RNF24: variants seen among roughly 807,000 people sequenced by gnomAD.
RNF24 encodes ring finger protein 24.
In RNF24, 14 loss-of-function variants were observed where a neutral mutation model predicts 20.0. The ratio of observed to expected loss-of-function variants is 0.70; its 90% CI spans 0.46 to 1.10. The LOEUF (loss-of-function observed/expected upper bound fraction) is 1.10. Ranked by LOEUF, RNF24 falls within the 50% of genes least tolerant of loss-of-function variation. The pLI, the probability that RNF24 is intolerant of heterozygous loss-of-function variation, is 0.00. For synonymous variants in RNF24, 45 were observed against 61.1 expected (o/e 0.74, Z 1.23); for missense variants, 124 against 177.6 (o/e 0.70, Z 1.71).
At chr20:3,969,703 T>C (rs749188307) in intron 1 of RNF24, among the ~76,000 whole-genome samples, 1 of 151,762 alleles carries the variant, frequency 6.6e-6, no homozygotes, top group South Asian at 2.1e-4. Context: ...CTTGCCAGGA[T>C]GTAACGAGAT....
At chr20:3,963,608 G>A (rs1390868734) in intron 2 of RNF24, among the ~76,000 whole-genome samples, 2 of 152,180 alleles carry the variant, frequency 1.3e-5, no homozygotes, top group Non-Finnish European at 1.5e-5. Flanking sequence ...AATGACATAC[G>A]TGTATCTGTT....
intron 4 of RNF24, among the ~76,000 whole-genome samples, chr20:3,944,100 C>T (rs904608498): frequency 6.6e-6 from 1 of 151,552 alleles, no homozygotes; most frequent in Non-Finnish European, 1.5e-5. Flanking sequence ...ATCCTAGCTA[C>T]TCGACAGGCT....
chr20:4,008,005 T>C (rs1982022664), intron 1 of RNF24, among the ~76,000 whole-genome samples: 1 of 151,226 alleles, frequency 6.6e-6, no homozygotes, highest in Non-Finnish European at 1.5e-5. Context: ...AGATATAGTA[T>C]TTTGAACAAA....
chr20:3,977,661 C>G (rs1398208112), intron 1 of RNF24, among the ~76,000 whole-genome samples: 2 of 151,890 alleles, frequency 1.3e-5, no homozygotes, highest in African/African-American at 4.8e-5. Flanking sequence ...GTCAGGAGAT[C>G]GAGACCATCC....
chr20:3,960,233 G>A (rs1002874152), intron 2 of RNF24, among the ~76,000 whole-genome samples: 10 of 152,162 alleles, frequency 6.6e-5, no homozygotes, highest in African/African-American at 2.2e-4. Context: ...CATAAAAAAT[G>A]AGCTAGGGTA....
At chr20:4,002,893 T>C (rs1316274887) in intron 1 of RNF24, among the ~76,000 whole-genome samples, 2 of 152,186 alleles carry the variant, frequency 1.3e-5, no homozygotes, top group African/African-American at 4.8e-5. Context: ...GGTAGTGAAT[T>C]GAAATAGAGA....
chr20:3,989,833 C>T (rs1416999241), intron 1 of RNF24, among the ~76,000 whole-genome samples: 9 of 152,142 alleles, frequency 5.9e-5, no homozygotes, highest in African/African-American at 2.2e-4. Flanking sequence ...TGAGAAGACA[C>T]GGAGTAGAGC....
chr20:3,964,097 G>A lies in RNF24; in HGVS notation c.-7-73C>T, dbSNP rs1002776863. 2.3e-5 allele frequency: 30 copies of A among 1,308,934 alleles called. No individual in the cohort carries two copies. The African/African-American group carries it at 3.4e-4, about 15-fold the overall frequency. 81.1% of individuals were successfully genotyped at this position (1,308,934 alleles called of 1,614,324 possible). Reference sequence around the variant, plus strand: ...CCAAGACAGCATTATCATTGTGCACGTATAGAGGCACAATGACCTCATCTG... The same window carrying A: ...CCAAGACAGCATTATCATTGTGCACATATAGAGGCACAATGACCTCATCTG... On this transcript the variant is annotated intron_variant, in intron 1 of 5. Transcript: ENST00000358395.
rs115449862 is a variant in RNF24, at chr20:3,984,151, G to A, written c.-7-20127C>T. Among the ~76,000 whole-genome samples the A allele has an allele frequency of 7.5e-3, 1,139 of 151,488 alleles. 26 individuals are homozygous for A. Among genetic ancestry groups the A allele is most frequent in the African/African-American group, 0.026 (1,074 of 41,236 alleles). The stretch of plus-strand genomic sequence containing the variant: ...AGGCTGAGGTGGGAAGACTGCTTGA[G>A]CCCAGGAATTGGAGTCTGCGGTGAG... On this transcript the variant is annotated intron_variant, in intron 1 of 5. Coordinates refer to ENST00000358395, the MANE Select transcript of RNF24 (RefSeq NM_001134337.3).
In RNF24 at chr20:3,964,041, G is replaced by T; in HGVS notation, c.-7-17C>A. 1 of 1,601,852 alleles carries T rather than the reference G, an allele frequency of 6.2e-7. No individual in the cohort carries two copies. The highest frequency in any genetic ancestry group is 8.5e-7 in the Non-Finnish European group (1 of 1,175,900). On this transcript the variant is annotated splice_polypyrimidine_tract_variant and intron_variant, in intron 1 of 5. Transcript: ENST00000358395. ...ATGGATGAACTGTGGGGGAAGAAAA[G>T]AATGGAAAAAAAATAGGTAAAGACT...
intron 1 of RNF24, among the ~76,000 whole-genome samples, chr20:3,996,600 AT>A (rs2147056519): frequency 6.6e-6 from 1 of 152,178 alleles, no homozygotes; most frequent in African/African-American, 2.4e-5. Flanking sequence ...CTTAATTAGA[AT>A]TTTTGGTTGG....
chr20:3,949,091 A>T (rs1383665899), intron 2 of RNF24, among the ~76,000 whole-genome samples: 6 of 152,198 alleles, frequency 3.9e-5, no homozygotes, highest in Admixed American at 3.9e-4. Context: ...CAAAGTACTC[A>T]CACCGAGGCT....
In RNF24 at chr20:3,997,506, C is replaced by T. The variant is rs56324992; in HGVS notation, c.-8+17931G>A. Among the ~76,000 whole-genome samples, 4 of 150,898 alleles carry T rather than the reference C, an allele frequency of 2.7e-5. No homozygotes were observed. The East Asian group carries it at 5.9e-4, about 22-fold the overall frequency. ...CAATGGTGTGATCATGGCTCACTGTCGCCTCAAACTCCCATGCCCAGACAA... is the reference window on the plus strand; with the variant it reads ...CAATGGTGTGATCATGGCTCACTGTTGCCTCAAACTCCCATGCCCAGACAA... On this transcript the variant is annotated intron_variant, in intron 1 of 5. Coordinates refer to ENST00000358395, the MANE Select transcript of RNF24 (RefSeq NM_001134337.3).
intron 1 of RNF24, among the ~76,000 whole-genome samples, chr20:4,013,015 T>C (rs1161564958): frequency 6.6e-6 from 1 of 152,100 alleles, no homozygotes; most frequent in Non-Finnish European, 1.5e-5. Flanking sequence ...CTTGTTTTTT[T>C]TTTTCTGCTT....
intron 1 of RNF24, among the ~76,000 whole-genome samples, chr20:3,977,212 T>C (rs1978938677): frequency 6.6e-6 from 1 of 152,222 alleles, no homozygotes; most frequent in Admixed American, 6.5e-5. Flanking sequence ...CATAGTAATC[T>C]AGATTAAGGC....
chr20:3,962,586 G>A (rs1160667615), intron 2 of RNF24, among the ~76,000 whole-genome samples: 2 of 151,978 alleles, frequency 1.3e-5, no homozygotes, highest in African/African-American at 2.4e-5. Context: ...GAACTTAAAA[G>A]TGGCAGTACT....
rs1458518741 is a variant in RNF24 at position 3,933,024 on chromosome 20, A to T, written c.*1039T>A. ...TCACCAGCTTCAGAATTACACAGGG[A>T]TCTTATTTGGGATAAAGTGTTAAAA... is the stretch of plus-strand genomic sequence containing the variant. On this transcript the variant is annotated 3_prime_UTR_variant, in exon 6 of 6. Transcript: ENST00000358395. 6 of 382,558 alleles carry T rather than the reference A, an allele frequency of 1.6e-5. No individual in the cohort carries two copies. Among genetic ancestry groups the T allele is most frequent in the Non-Finnish European group, 2.3e-5 (5 of 218,328 alleles). The allele number at this position is 382,558 out of a possible 1,614,324, so 23.7% of individuals were successfully genotyped here.
intron 2 of RNF24, among the ~76,000 whole-genome samples, chr20:3,955,878 C>A (rs1333205632): frequency 6.6e-6 from 1 of 151,988 alleles, no homozygotes; most frequent in East Asian, 1.9e-4. Context: ...AAATTTTATT[C>A]TTTTGGATGC....
chr20:3,938,401 G>GA (rs1233924680), intron 4 of RNF24, among the ~76,000 whole-genome samples: 1 of 152,148 alleles, frequency 6.6e-6, no homozygotes, highest in Non-Finnish European at 1.5e-5. Context: ...TGATGTTAGA[G>GA]CACTACACAT....
Sources: allele counts gnomAD v4.1 joint callset (sites outside exome capture counted in the v4.1 genomes callset), GRCh38; gene constraint gnomAD v4.1.1; transcripts MANE v1.5; gene names NCBI Gene and HGNC (gene_info 2026-07-23, HGNC 2026-07-21).